Variants in RNF220 observed in about 807,000 individuals in gnomAD.
RNF220 encodes the protein E3 ubiquitin-protein ligase RNF220.
RNF220 carries 7 observed loss-of-function variants against 67.1 expected under a neutral mutation model. The observed-to-expected ratio is 0.10, with a 90% CI of 0.06 to 0.20. The LOEUF is 0.20. RNF220 is among the 10% of genes least tolerant of loss of function. The pLI is 1.00. For missense variants in RNF220, 565 were observed against 740.3 expected, an observed-to-expected ratio of 0.76 and a Z score of 2.75; for synonymous variants, 270 against 283.2, an observed-to-expected ratio of 0.95 and a Z score of 0.47.
rs201661366 is a variant in RNF220, at chr1:44,461,924, G to GTTTTTTTT, written c.625+49216_625+49223dup. The stretch of plus-strand genomic sequence containing the variant: ...TATTTTTTTCTTTTCTTTTTTCTTT[G>GTTTTTTTT]TTTTTTTTTTTTTTTTTTTTTGAGC... On this transcript the variant is annotated intron_variant, in intron 2 of 14. Transcript: ENST00000361799. Among the ~76,000 whole-genome samples, 60 of 123,556 alleles carry GTTTTTTTT rather than the reference G, an allele frequency of 4.9e-4. 1 individual carries two copies. Among genetic ancestry groups the GTTTTTTTT allele is most frequent in the East Asian group, 7.3e-4 (3 of 4,136 alleles). The allele number at this position is 123,556 out of a possible 152,430, so 81.1% of individuals were successfully genotyped here.
chr1:44,510,234 G>GAA (rs1180418492), intron 2 of RNF220, among the ~76,000 whole-genome samples: 4 of 101,950 alleles, frequency 3.9e-5, no homozygotes, highest in Admixed American at 1.3e-4. Context: ...GTGAGACCCT[G>GAA]AAAAAAAAAA....
At chr1:44,535,886 T>A (rs1661183406) in intron 2 of RNF220, among the ~76,000 whole-genome samples, 1 of 152,092 alleles carries the variant, frequency 6.6e-6, no homozygotes, top group South Asian at 2.1e-4. Flanking sequence ...CTACGTGCTG[T>A]GGGTCCAGGC....
At chr1:44,522,019 C>T (rs968727956) in intron 2 of RNF220, among the ~76,000 whole-genome samples, 1 of 152,176 alleles carries the variant, frequency 6.6e-6, no homozygotes, top group African/African-American at 2.4e-5. Flanking sequence ...GCCAGCTATG[C>T]ATGAAACAAC....
rs1667276393 is a variant in RNF220 at position 44,606,383 on chromosome 1, G to A, written c.626-7782G>A. Reference sequence around the variant, plus strand: ...GCGCCAATCATAGTTTTAAGAGAAGGAGGAAGGGACTGAGTGAGGGGAGAG... The same window carrying A: ...GCGCCAATCATAGTTTTAAGAGAAGAAGGAAGGGACTGAGTGAGGGGAGAG... On this transcript the variant is annotated intron_variant, in intron 2 of 14. Coordinates refer to ENST00000361799, the MANE Select transcript of RNF220 (RefSeq NM_018150.4). The surrounding 1 kb of genome is among the most constrained non-coding windows in gnomAD (Gnocchi z 4.2). Among the ~76,000 whole-genome samples, 1 of 152,236 alleles carries A rather than the reference G, an allele frequency of 6.6e-6. No homozygotes were observed. Among genetic ancestry groups the A allele is most frequent in the Non-Finnish European group, 1.5e-5 (1 of 68,038 alleles).
At chr1:44,599,756 C>T (rs934300114) in intron 2 of RNF220, among the ~76,000 whole-genome samples, 1 of 152,204 alleles carries the variant, frequency 6.6e-6, no homozygotes, top group African/African-American at 2.4e-5. Context: ...TGAAGAGCTA[C>T]ATTTTGTCCA....
At chr1:44,538,912 T>C in intron 2 of RNF220, among the ~76,000 whole-genome samples, 2 of 96,066 alleles carry the variant, frequency 2.1e-5, no homozygotes, top group African/African-American at 4.9e-5. Context: ...TGAGACTCCA[T>C]CTAGGGAAAA....
intron 2 of RNF220, among the ~76,000 whole-genome samples, chr1:44,469,002 T>C (rs1436701552): frequency 6.6e-6 from 1 of 152,034 alleles, no homozygotes; most frequent in African/African-American, 2.4e-5. Context: ...CAACATAATA[T>C]GACAAAGGGC....
At chr1:44,556,802 A>G (rs1439727298) in intron 2 of RNF220, among the ~76,000 whole-genome samples, 13 of 151,966 alleles carry the variant, frequency 8.6e-5, no homozygotes, top group African/African-American at 2.9e-4. Context: ...CTTGTGATCC[A>G]CCAGCCTCGG....
chr1:44,471,247 G>A (rs556060988), intron 2 of RNF220, among the ~76,000 whole-genome samples: 6 of 151,888 alleles, frequency 4.0e-5, no homozygotes, highest in East Asian at 1.9e-4. Context: ...CCAACATGGC[G>A]AAACCCCGTC....
In RNF220 at chr1:44,606,613, TC is replaced by T. The variant is rs2148410766; in HGVS notation, c.626-7551del. ...CAATGACATCACACTTTCCTTGTTT[TC>T]ATTCTACCTCTTGGCTGTTCCTTCT... On this transcript the variant is annotated intron_variant, in intron 2 of 14. Coordinates refer to ENST00000361799, the MANE Select transcript of RNF220 (RefSeq NM_018150.4). The surrounding 1 kb of genome is among the most constrained non-coding windows in gnomAD (Gnocchi z 4.2). Among the ~76,000 whole-genome samples the T allele has an allele frequency of 6.6e-6, 1 of 152,356 alleles. No homozygotes were observed. The highest frequency in any genetic ancestry group is 2.4e-5 in the African/African-American group (1 of 41,576).
intron 2 of RNF220, chr1:44,423,926 G>C (rs746913156): frequency 2.0e-6 from 2 of 985,224 alleles, no homozygotes; most frequent in African/African-American, 3.5e-5. Flanking sequence ...GGCACACGTC[G>C]GCATGCTAAA....
At chr1:44,469,299 T>C (rs1654571129) in intron 2 of RNF220, among the ~76,000 whole-genome samples, 1 of 152,196 alleles carries the variant, frequency 6.6e-6, no homozygotes, top group African/African-American at 2.4e-5. Context: ...GTTTCCAACA[T>C]CTGAAGGAAC....
At chr1:44,637,931 C>T (rs1644374952) in intron 8 of RNF220, among the ~76,000 whole-genome samples, 4 of 152,226 alleles carry the variant, frequency 2.6e-5, no homozygotes, top group Admixed American at 2.0e-4. Context: ...TCTTAAACAG[C>T]TTAGTGCAGT....
chr1:44,494,357 AAAAG>A (rs1386106510), intron 2 of RNF220, among the ~76,000 whole-genome samples: 2 of 152,220 alleles, frequency 1.3e-5, no homozygotes, highest in African/African-American at 4.8e-5. Context: ...ACAAGCGAGA[AAAAG>A]AAATTAATTC....
chr1:44,436,244 C>T (rs1264141999), intron 2 of RNF220, among the ~76,000 whole-genome samples: 2 of 152,146 alleles, frequency 1.3e-5, no homozygotes, highest in Non-Finnish European at 2.9e-5. Context: ...CTAAAGCAGC[C>T]TGGGCCTCTG....
Position 44,621,583 on chromosome 1 carries a change from C to G in RNF220, c.759-1159C>G, listed in dbSNP as rs981178641. Among the ~76,000 whole-genome samples, 1 of 152,152 alleles carries G rather than the reference C, an allele frequency of 6.6e-6. No homozygotes were observed. Among genetic ancestry groups the G allele is most frequent in the African/African-American group, 2.4e-5 (1 of 41,432 alleles). On this transcript the variant is annotated intron_variant, in intron 3 of 14. Transcript: ENST00000361799. This position sits in a 1 kb window ranked among gnomAD's most constrained non-coding sequence, Gnocchi z 4.8. ...CAGGTGAACATCCCTTCCCCTTCTC[C>G]CCTGTCCCCCACTGAGAGTCACTGC...
intron 2 of RNF220, among the ~76,000 whole-genome samples, chr1:44,447,931 G>A (rs967310747): frequency 2.6e-5 from 4 of 152,126 alleles, no homozygotes; most frequent in Admixed American, 6.6e-5. Flanking sequence ...AGCTTTGCGC[G>A]TCGCTTAGCT....
intron 2 of RNF220, among the ~76,000 whole-genome samples, chr1:44,496,040 G>A (rs946056007): frequency 2.0e-5 from 3 of 152,122 alleles, no homozygotes; most frequent in African/African-American, 7.2e-5. Context: ...GAATCCTAAA[G>A]ACTACGGGAA....
At chr1:44,418,240 T>G (rs1648801197) in intron 2 of RNF220, among the ~76,000 whole-genome samples, 2 of 150,912 alleles carry the variant, frequency 1.3e-5, no homozygotes, top group Non-Finnish European at 3.0e-5. Context: ...GCGGGGAGGG[T>G]TCTGCCTGGA....
Sources: gnomAD v4.1 joint callset for allele counts (sites outside exome capture counted in the v4.1 genomes callset) on GRCh38, gnomAD v4.1.1 for gene constraint, Gnocchi (gnomAD v3.1) non-coding constraint, MANE v1.5 for transcripts, NCBI Gene and HGNC (gene_info 2026-07-23, HGNC 2026-07-21) for gene names.